The following NELL1 variants were observed in gnomAD, a reference collection of about 807,000 sequenced individuals.
NELL1 encodes protein kinase C-binding protein NELL1.
A neutral mutation model predicts 107.4 loss-of-function variants in NELL1; 76 were observed. That is an observed-to-expected ratio of 0.71 (90% confidence interval 0.59 to 0.86). The LOEUF is 0.86. Ranked by LOEUF, NELL1 falls within the 40% of genes least tolerant of loss-of-function variation. NELL1 has a pLI of 0.00. For synonymous variants in NELL1, 353 were observed against 341.2 expected (o/e 1.03, Z -0.38); for missense variants, 1,024 against 1,005.5 (o/e 1.02, Z -0.25).
intron 14 of NELL1, among the ~76,000 whole-genome samples, chr11:21,294,184 G>T (rs938406856): frequency 1.3e-5 from 2 of 152,074 alleles, no homozygotes; most frequent in Admixed American, 1.3e-4. Context: ...AGCCTTGACT[G>T]TTTCCCTCCT....
At chr11:21,177,337 C>T (rs1590707071) in intron 13 of NELL1, among the ~76,000 whole-genome samples, 1 of 151,676 alleles carries the variant, frequency 6.6e-6, no homozygotes, top group Non-Finnish European at 1.5e-5. Flanking sequence ...TTTTAGATTC[C>T]ACATAGATGT....
chr11:21,031,948 G>A (rs1852967987), intron 12 of NELL1, among the ~76,000 whole-genome samples: 1 of 151,896 alleles, frequency 6.6e-6, no homozygotes, highest in South Asian at 2.1e-4. Context: ...AAGAGGCTGA[G>A]GTGAGAGAAT....
intron 14 of NELL1, among the ~76,000 whole-genome samples, chr11:21,287,346 G>A (rs1353775725): frequency 6.6e-6 from 1 of 151,996 alleles, no homozygotes; most frequent in Non-Finnish European, 1.5e-5. Flanking sequence ...GTTTAGCCCT[G>A]TTCAATCTAT....
chr11:21,455,116 C>T (rs1314028031), intron 15 of NELL1, among the ~76,000 whole-genome samples: 1 of 152,026 alleles, frequency 6.6e-6, no homozygotes, highest in East Asian at 1.9e-4. Context: ...TTGCAAAGGT[C>T]TTTATTACAC....
intron 15 of NELL1, among the ~76,000 whole-genome samples, chr11:21,495,784 CT>C (rs1854961760): frequency 6.6e-6 from 1 of 151,988 alleles, no homozygotes; most frequent in African/African-American, 2.4e-5. Context: ...TTTGTATATG[CT>C]TATTGGCCAT....
chr11:20,739,432 T>G (rs1237241921), intron 2 of NELL1, among the ~76,000 whole-genome samples: 2 of 152,224 alleles, frequency 1.3e-5, no homozygotes, highest in Non-Finnish European at 2.9e-5. Context: ...TACTGTCTCT[T>G]GCTTTCCTGC....
At chr11:21,130,747 T>C (rs1401828570) in intron 13 of NELL1, among the ~76,000 whole-genome samples, 1 of 152,210 alleles carries the variant, frequency 6.6e-6, no homozygotes, top group Non-Finnish European at 1.5e-5. Context: ...CCACAGGCTC[T>C]TGTGCGAAGG....
intron 4 of NELL1, among the ~76,000 whole-genome samples, chr11:20,857,869 C>T (rs538198413): frequency 1.3e-5 from 2 of 152,242 alleles, no homozygotes; most frequent in East Asian, 3.9e-4. Flanking sequence ...TATAGCGGTG[C>T]ATGGAGCACT....
At chr11:20,788,727 A>G (rs1013790355) in intron 3 of NELL1, among the ~76,000 whole-genome samples, 1 of 150,876 alleles carries the variant, frequency 6.6e-6, no homozygotes, top group Non-Finnish European at 1.5e-5. Flanking sequence ...ATTTTTTGTG[A>G]TTCTGATGTC....
chr11:21,199,727 C>A (rs1487165715), intron 13 of NELL1, among the ~76,000 whole-genome samples: 4 of 151,904 alleles, frequency 2.6e-5, no homozygotes, highest in Non-Finnish European at 4.4e-5. Context: ...ATACATGTGC[C>A]ATGGTGGTTT....
intron 13 of NELL1, among the ~76,000 whole-genome samples, chr11:21,132,230 T>C (rs1855635935): frequency 6.6e-6 from 1 of 152,066 alleles, no homozygotes; most frequent in Non-Finnish European, 1.5e-5. Flanking sequence ...TATTTGTATA[T>C]GCACGCGTGC....
intron 17 of NELL1, among the ~76,000 whole-genome samples, chr11:21,563,464 GCC>G (rs1174208589): frequency 3.9e-5 from 6 of 151,936 alleles, no homozygotes; most frequent in Middle Eastern, 3.2e-3. Context: ...AGCATAGTCT[GCC>G]CTCTGTATTT....
chr11:20,750,698 C>G (rs116587522), intron 2 of NELL1, among the ~76,000 whole-genome samples: 1 of 152,018 alleles, frequency 6.6e-6, no homozygotes, highest in African/African-American at 2.4e-5. Context: ...GTGATCCTCC[C>G]GTCTCAACCT....
At chr11:21,127,488 G>T (rs939376888) in intron 13 of NELL1, among the ~76,000 whole-genome samples, 1 of 151,854 alleles carries the variant, frequency 6.6e-6, no homozygotes, top group East Asian at 1.9e-4. Flanking sequence ...TTATGACATG[G>T]GCCTGTAGTC....
chr11:21,276,033 A>G (rs1372385629), intron 14 of NELL1, among the ~76,000 whole-genome samples: 2 of 152,168 alleles, frequency 1.3e-5, no homozygotes, highest in South Asian at 2.1e-4. Context: ...TCAACATAGT[A>G]TTGGAAGTTC....
chr11:21,358,565 ATTTT>A lies in NELL1; in HGVS notation c.1550-12268_1550-12265del, dbSNP rs75578174. On this transcript the variant is annotated intron_variant, in intron 14 of 19. Coordinates refer to ENST00000357134, the MANE Select transcript of NELL1 (RefSeq NM_006157.5). ...AGACACATGCCACCATGCCCTGATAATTTTTTTTTTTTTTTTTTTTTTTGGATTT... is the reference window on the plus strand; with the variant it reads ...AGACACATGCCACCATGCCCTGATAATTTTTTTTTTTTTTTTTTTGGATTT... 7.6e-4 allele frequency among the ~76,000 whole-genome samples: 74 copies of A among 97,678 alleles called. 1 individual carries two copies. In the South Asian group the frequency reaches 7.6e-3, roughly 10 times the overall value. 64.1% of individuals were successfully genotyped at this position (97,678 alleles called of 152,430 possible).
At chr11:21,483,105 C>T (rs1168076004) in intron 15 of NELL1, among the ~76,000 whole-genome samples, 3 of 152,032 alleles carry the variant, frequency 2.0e-5, no homozygotes, top group South Asian at 2.1e-4. Flanking sequence ...CACTGCCTTT[C>T]CAACATTAAG....
rs906601263 is a variant in NELL1, at chr11:21,438,737, G to A, written c.1645+67789G>A. 4.0e-5 allele frequency among the ~76,000 whole-genome samples: 6 copies of A among 151,542 alleles called. No homozygotes were observed. In the South Asian group the frequency reaches 8.3e-4, roughly 21 times the overall value. On this transcript the variant is annotated intron_variant, in intron 15 of 19. Transcript: ENST00000357134. The stretch of plus-strand genomic sequence containing the variant: ...TTTCTTCTGCTTGTTTTAGACTACT[G>A]GTAAGGCTGTCAATTGTATTTTTAT...
At chr11:20,899,102 G>T (rs898284033) in intron 5 of NELL1, among the ~76,000 whole-genome samples, 14 of 152,074 alleles carry the variant, frequency 9.2e-5, no homozygotes, top group African/African-American at 3.1e-4. Flanking sequence ...TAGCAGAAAA[G>T]TTAGTAAGCG....
Sources: gnomAD v4.1 joint callset for allele counts (sites outside exome capture counted in the v4.1 genomes callset) on GRCh38, gnomAD v4.1.1 for gene constraint, MANE v1.5 for transcripts, NCBI Gene and HGNC (gene_info 2026-07-23, HGNC 2026-07-21) for gene names.